The following WSCD2 variants were observed in gnomAD, a reference collection of about 807,000 sequenced individuals.
WSCD2 encodes WSC domain sialate O sulfotransferase 2.
WSCD2 carries 28 observed loss-of-function variants against 55.7 expected under a neutral mutation model. That is an observed-to-expected ratio of 0.50 (90% CI 0.37 to 0.69). The LOEUF (loss-of-function observed/expected upper bound fraction) is 0.69, where lower values mean the gene tolerates loss of function less well. Ranked by LOEUF, WSCD2 falls within the 30% of genes least tolerant of loss-of-function variation. The pLI, the probability that WSCD2 is intolerant of heterozygous loss-of-function variation, is 0.00. For missense variants in WSCD2, 616 were observed against 762.1 expected, an observed-to-expected ratio of 0.81 and a Z score of 2.26; for synonymous variants, 301 against 301.9, an observed-to-expected ratio of 1.00 and a Z score of 0.03.
intron 1 of WSCD2, among the ~76,000 whole-genome samples, chr12:108,133,532 G>A (rs1351648566): frequency 6.6e-6 from 1 of 152,152 alleles, no homozygotes; most frequent in Non-Finnish European, 1.5e-5. Context: ...GGAGGGGTGT[G>A]AACATACCTG....
chr12:108,162,493 T>A (rs1879177693), intron 1 of WSCD2, among the ~76,000 whole-genome samples: 1 of 152,200 alleles, frequency 6.6e-6, no homozygotes, highest in Non-Finnish European at 1.5e-5. Flanking sequence ...GCCCCACACA[T>A]GTATGAGCCA....
chr12:108,196,078 C>T lies in WSCD2; in HGVS notation c.246C>T (p.Ala82=), dbSNP rs781628910. The part of the protein sequence containing the change: ...LGRGFRDTGE[A]SSIARRYGPW... ...GAGGTTTCCGGGACACAGGTGAAGC[C>T]TCAAGCATTGCTCGCAGGTACGGAC... The change falls in exon 2 of 9, where the codon GCC becomes GCT. Residue 82 remains alanine, a synonymous_variant. Transcript: ENST00000547525. The T allele has an allele frequency of 1.2e-6, 2 of 1,614,144 alleles. No homozygotes were observed. Among genetic ancestry groups the T allele is most frequent in the Admixed American group, 3.3e-5 (2 of 60,022 alleles).
At chr12:108,211,214 C>G (rs1440924359) in intron 4 of WSCD2, among the ~76,000 whole-genome samples, 1 of 152,164 alleles carries the variant, frequency 6.6e-6, no homozygotes, top group Non-Finnish European at 1.5e-5. Context: ...AGTTAATGGG[C>G]TTGATAAAAG....
At chr12:108,161,777 T>C (rs1159872064) in intron 1 of WSCD2, among the ~76,000 whole-genome samples, 2 of 152,232 alleles carry the variant, frequency 1.3e-5, no homozygotes, top group African/African-American at 2.4e-5. Flanking sequence ...CTGTGATACC[T>C]GGGAAGCTTG....
At chr12:108,244,730 A>G in intron 8 of WSCD2, 1 of 656,010 alleles carries the variant, frequency 1.5e-6, no homozygotes, top group South Asian at 1.7e-5. Context: ...AACAGACCCC[A>G]GGTCTCAGAC....
At chr12:108,211,534 G>T (rs1246855411) in intron 4 of WSCD2, among the ~76,000 whole-genome samples, 1 of 151,788 alleles carries the variant, frequency 6.6e-6, no homozygotes, top group Admixed American at 6.6e-5. Flanking sequence ...TTAACAGCTA[G>T]TCTGTTTGCA....
At chr12:108,131,459 C>T (rs1156919496) in intron 1 of WSCD2, among the ~76,000 whole-genome samples, 4 of 152,226 alleles carry the variant, frequency 2.6e-5, no homozygotes, top group African/African-American at 7.2e-5. Flanking sequence ...TCCCTCTCCA[C>T]GCTTCGGCTC....
intron 1 of WSCD2, among the ~76,000 whole-genome samples, chr12:108,140,317 C>CAGTT (rs1315254477): frequency 6.6e-6 from 1 of 152,164 alleles, no homozygotes; most frequent in African/African-American, 2.4e-5. Context: ...ACATAAGTGC[C>CAGTT]AGTTAGTAAC....
chr12:108,142,903 T>C (rs1247754680), intron 1 of WSCD2, among the ~76,000 whole-genome samples: 1 of 152,120 alleles, frequency 6.6e-6, no homozygotes. Context: ...CTCGACCTCC[T>C]AGGCTCAAGA....
At chr12:108,143,178 G>A (rs1211776774) in intron 1 of WSCD2, among the ~76,000 whole-genome samples, 1 of 152,156 alleles carries the variant, frequency 6.6e-6, no homozygotes, top group African/African-American at 2.4e-5. Context: ...TTTTAGACTA[G>A]CTATCTTCTT....
chr12:108,191,111 G>A lies in WSCD2; in HGVS notation c.-551-4171G>A, dbSNP rs142224098. 2.6e-3 allele frequency among the ~76,000 whole-genome samples: 398 copies of A among 152,300 alleles called. 1 individual carries two copies. The highest frequency in any genetic ancestry group is 9.1e-3 in the African/African-American group (380 of 41,550). On this transcript the variant is annotated intron_variant, in intron 1 of 8. Transcript: ENST00000547525. ...AGACAGAGAGAAGTGGGTTGCTGAA[G>A]GCCAACAGCCCCTGTCTCACCCAGG... is the stretch of plus-strand genomic sequence containing the variant.
chr12:108,181,572 G>A (rs547659373), intron 1 of WSCD2, among the ~76,000 whole-genome samples: 2 of 152,324 alleles, frequency 1.3e-5, no homozygotes, highest in Non-Finnish European at 2.9e-5. Context: ...TGGGAAAATG[G>A]AGGCTCAGAG....
At position 108,205,300 on chromosome 12, in the gene WSCD2, C is replaced by A. The variant is rs751797; in HGVS notation, c.383-989C>A. ...AAGTGACTTCTCCGGGCCCTTTTCT[C>A]TTCTGTATACAACGGTAATAATATT... is the stretch of plus-strand genomic sequence containing the variant. On this transcript the variant is annotated intron_variant, in intron 2 of 8. Coordinates refer to ENST00000547525, the MANE Select transcript of WSCD2 (RefSeq NM_014653.4). Among the ~76,000 whole-genome samples the A allele has an allele frequency of 9.3e-3, 1,410 of 152,260 alleles. 16 individuals carry two copies. The highest frequency in any genetic ancestry group is 0.032 in the African/African-American group (1,322 of 41,540).
chr12:108,193,188 A>C (rs1324441133), intron 1 of WSCD2, among the ~76,000 whole-genome samples: 1 of 152,220 alleles, frequency 6.6e-6, no homozygotes, highest in Admixed American at 6.5e-5. Context: ...TATGTGTAGA[A>C]GAATGTCTGG....
chr12:108,214,803 G>A (rs1362791578), intron 4 of WSCD2, among the ~76,000 whole-genome samples: 2 of 152,150 alleles, frequency 1.3e-5, no homozygotes, highest in East Asian at 3.9e-4. Context: ...ACATTATGAA[G>A]CTTACACTAT....
chr12:108,181,328 C>T (rs916417071), intron 1 of WSCD2, among the ~76,000 whole-genome samples: 1 of 152,128 alleles, frequency 6.6e-6, no homozygotes, highest in African/African-American at 2.4e-5. Context: ...AATTTAAAGA[C>T]ATCATGACAG....
chr12:108,243,287 G>T (rs537019318), intron 8 of WSCD2, among the ~76,000 whole-genome samples: 1 of 152,302 alleles, frequency 6.6e-6, no homozygotes, highest in South Asian at 2.1e-4. Context: ...GCCCAGGCTG[G>T]AGTGCAGTGG....
chr12:108,175,838 C>A (rs1880778090), intron 1 of WSCD2, among the ~76,000 whole-genome samples: 1 of 152,128 alleles, frequency 6.6e-6, no homozygotes. Flanking sequence ...TTTTTCTTTT[C>A]TTTTCTTTTC....
At chr12:108,184,869 T>A (rs569766107) in intron 1 of WSCD2, among the ~76,000 whole-genome samples, 1 of 152,360 alleles carries the variant, frequency 6.6e-6, no homozygotes, top group East Asian at 1.9e-4. Flanking sequence ...GAAGGCTGTT[T>A]CGCTAGGTGT....
Sources: gnomAD v4.1 joint callset for allele counts (sites outside exome capture counted in the v4.1 genomes callset) on GRCh38, gnomAD v4.1.1 for gene constraint, MANE v1.5 for transcripts, NCBI Gene and HGNC (gene_info 2026-07-23, HGNC 2026-07-21) for gene names.